The following DIS3L2 variants were observed in gnomAD, a reference collection of about 807,000 sequenced individuals.
The protein encoded by DIS3L2 is DIS3-like exonuclease 2.
A neutral mutation model predicts 97.5 loss-of-function variants in DIS3L2; 34 were observed. The ratio of observed to expected loss-of-function variants is 0.35; its 90% CI spans 0.27 to 0.46. The LOEUF (loss-of-function observed/expected upper bound fraction) is 0.46. DIS3L2 is among the 20% of genes least tolerant of loss of function. The pLI, the probability that DIS3L2 is intolerant of heterozygous loss-of-function variation, is 1.00. For synonymous variants in DIS3L2, 435 were observed against 445.2 expected, an observed-to-expected ratio of 0.98 and a Z score of 0.29; for missense variants, 1,038 against 1,146.0, an observed-to-expected ratio of 0.91 and a Z score of 1.36.
At chr2:232,314,906 A>G (rs1439422608) in intron 14 of DIS3L2, among the ~76,000 whole-genome samples, 2 of 152,094 alleles carry the variant, frequency 1.3e-5, no homozygotes, top group Non-Finnish European at 2.9e-5. Context: ...TGTTTTCCGT[A>G]TATCTGTACC....
At chr2:232,143,182 A>C (rs1176821596) in intron 8 of DIS3L2, among the ~76,000 whole-genome samples, 1 of 152,098 alleles carries the variant, frequency 6.6e-6, no homozygotes, top group Admixed American at 6.6e-5. Context: ...TTCTGTCTGT[A>C]GCTGGTCCCT....
intron 10 of DIS3L2, among the ~76,000 whole-genome samples, chr2:232,223,649 C>T (rs1261161909): frequency 6.6e-6 from 1 of 152,178 alleles, no homozygotes. Flanking sequence ...CTCTTCTTAC[C>T]TCAATGTTCC....
chr2:232,336,602 G>A lies in DIS3L2; in HGVS notation c.2630G>A (p.Gly877Asp), dbSNP rs753076827. ...GAGAAGGAGGAGGAGGAGTCTGACG[G>A]TGAGCCCGAGGACTCAAGCACCAGC... The part of the protein sequence containing the change: ...GPEKEEEESD[G>D]EPEDSSTS Residue 877 changes from glycine to aspartate, a missense_variant, in exon 21 of 21, where the codon GGT becomes GAT. By Grantham distance (94) the Gly-to-Asp change is moderately conservative. Transcript: ENST00000325385. The A allele has an allele frequency of 3.2e-5, 52 of 1,607,274 alleles. No homozygotes were observed. The highest frequency in any genetic ancestry group is 1.4e-4 in the South Asian group (13 of 90,946).
intron 3 of DIS3L2, among the ~76,000 whole-genome samples, chr2:232,020,827 T>C (rs186789550): frequency 1.8e-4 from 28 of 152,268 alleles, no homozygotes; most frequent in Non-Finnish European, 2.5e-4. Flanking sequence ...AGCTGATCGA[T>C]ATAAAGCTCT....
chr2:232,256,709 C>T (rs1416905514), intron 12 of DIS3L2, among the ~76,000 whole-genome samples: 3 of 152,208 alleles, frequency 2.0e-5, no homozygotes, highest in African/African-American at 7.2e-5. Flanking sequence ...CCCCTTTCCA[C>T]ATCAAAATTT....
chr2:232,291,842 G>A (rs886230574), intron 13 of DIS3L2, among the ~76,000 whole-genome samples: 2 of 152,216 alleles, frequency 1.3e-5, no homozygotes, highest in African/African-American at 4.8e-5. Flanking sequence ...GGTCATCTTG[G>A]AGGTATTGCG....
chr2:232,149,467 G>A (rs373808846), intron 8 of DIS3L2, among the ~76,000 whole-genome samples: 10 of 140,968 alleles, frequency 7.1e-5, no homozygotes, highest in Non-Finnish European at 1.1e-4. Flanking sequence ...TTGTTCTTGC[G>A]ATAGTTTACT....
intron 1 of DIS3L2, among the ~76,000 whole-genome samples, chr2:231,972,525 A>G (rs1291324680): frequency 3.3e-5 from 5 of 152,142 alleles, no homozygotes; most frequent in South Asian, 2.1e-4. Flanking sequence ...TATGGAATGC[A>G]TGACTGTATT....
chr2:232,017,649 A>G (rs1033659314), intron 3 of DIS3L2, among the ~76,000 whole-genome samples: 5 of 151,994 alleles, frequency 3.3e-5, no homozygotes, highest in African/African-American at 1.2e-4. Context: ...ACTCTCCTCC[A>G]TTCACCCTGA....
chr2:232,214,522 T>C (rs1197025702), intron 10 of DIS3L2, among the ~76,000 whole-genome samples: 1 of 152,160 alleles, frequency 6.6e-6, no homozygotes, highest in Non-Finnish European at 1.5e-5. Flanking sequence ...AGTCAAAAAT[T>C]CTCAACTTAG....
Position 232,337,155 on chromosome 2 carries a change from T to G in DIS3L2, c.*525T>G. The G allele has an allele frequency of 2.0e-6, 2 of 1,002,294 alleles. No homozygotes were observed. The highest frequency in any genetic ancestry group is 2.4e-6 in the Non-Finnish European group (2 of 842,528). The allele number at this position is 1,002,294 out of a possible 1,614,324, so 62.1% of individuals were successfully genotyped here. A position where few individuals can be genotyped will look rare whatever the true frequency, so the allele number is the denominator to read the frequency against. ...GCCTGGCAGATGATTGATACTGGAG[T>G]CTCATTCTGCCTGATTAAAAATGGA... On this transcript the variant is annotated 3_prime_UTR_variant, in exon 21 of 21. Transcript: ENST00000325385.
intron 9 of DIS3L2, among the ~76,000 whole-genome samples, chr2:232,208,785 T>G (rs1165518011): frequency 6.6e-6 from 1 of 152,136 alleles, no homozygotes; most frequent in Non-Finnish European, 1.5e-5. Context: ...CCCAGCACTT[T>G]GGGAGGCCAA....
chr2:232,324,095 C>T lies in DIS3L2; in HGVS notation c.1740-5718C>T, dbSNP rs186961975. ...GCTGCTAAGAACACAGCAGGTTCTA[C>T]GTAAAGGTGGCCATCACCTGCACCC... On this transcript the variant is annotated intron_variant, in intron 14 of 20. Transcript: ENST00000325385. Among the ~76,000 whole-genome samples the T allele has an allele frequency of 1.5e-4, 23 of 152,258 alleles. No individual in the cohort carries two copies. In the East Asian group the frequency reaches 4.1e-3, roughly 27 times the overall value.
At chr2:232,248,784 C>T (rs1004141975) in intron 11 of DIS3L2, among the ~76,000 whole-genome samples, 14 of 152,224 alleles carry the variant, frequency 9.2e-5, no homozygotes, top group African/African-American at 2.6e-4. Context: ...TGGTAAATTA[C>T]GGTATATTCA....
intron 1 of DIS3L2, among the ~76,000 whole-genome samples, chr2:231,982,880 G>A (rs1477206464): frequency 6.6e-6 from 1 of 151,872 alleles, no homozygotes; most frequent in Non-Finnish European, 1.5e-5. Flanking sequence ...AGGTTTCTCC[G>A]TGTTGGCCAG....
At chr2:232,301,103 G>A (rs1217412538) in intron 14 of DIS3L2, among the ~76,000 whole-genome samples, 1 of 152,080 alleles carries the variant, frequency 6.6e-6, no homozygotes, top group African/African-American at 2.4e-5. Flanking sequence ...ACAGTACTGG[G>A]GACTTTACAT....
intron 5 of DIS3L2, among the ~76,000 whole-genome samples, chr2:232,086,720 G>T (rs891787804): frequency 1.7e-4 from 25 of 145,728 alleles, no homozygotes; most frequent in Non-Finnish European, 2.5e-4. Flanking sequence ...CTGTCACCCA[G>T]ACTGGATGGA....
intron 9 of DIS3L2, among the ~76,000 whole-genome samples, chr2:232,202,881 C>T (rs187199231): frequency 1.3e-5 from 2 of 152,150 alleles, no homozygotes; most frequent in Non-Finnish European, 2.9e-5. Context: ...CAACTACCGT[C>T]GAAAAAAAGA....
chr2:232,103,997 C>A (rs1485123176), intron 6 of DIS3L2, among the ~76,000 whole-genome samples: 2 of 152,012 alleles, frequency 1.3e-5, no homozygotes, highest in Non-Finnish European at 2.9e-5. Flanking sequence ...TCAGGTCCCC[C>A]CCCACCACCT....
Sources: allele counts gnomAD v4.1 joint callset (sites outside exome capture counted in the v4.1 genomes callset), GRCh38; gene constraint gnomAD v4.1.1; transcripts MANE v1.5; gene names NCBI Gene and HGNC (gene_info 2026-07-23, HGNC 2026-07-21).